Variants in CDH7 observed in about 807,000 individuals in gnomAD.
The protein encoded by CDH7 is cadherin-7.
CDH7 carries 25 observed loss-of-function variants against 71.8 expected under a neutral mutation model. That is an observed-to-expected ratio of 0.35 (90% confidence interval 0.25 to 0.49). The LOEUF is 0.49. CDH7 is among the 20% of genes least tolerant of loss of function. The pLI is 0.99. For synonymous variants in CDH7, 381 were observed against 363.8 expected, an observed-to-expected ratio of 1.05 and a Z score of -0.54; for missense variants, 862 against 974.6, an observed-to-expected ratio of 0.88 and a Z score of 1.54.
chr18:65,785,254 T>C (rs1256628861), intron 2 of CDH7, among the ~76,000 whole-genome samples: 1 of 151,896 alleles, frequency 6.6e-6, no homozygotes, highest in Non-Finnish European at 1.5e-5. Flanking sequence ...TATATATTAT[T>C]AGGCGATTCT....
intron 6 of CDH7, among the ~76,000 whole-genome samples, chr18:65,825,253 T>C (rs918645034): frequency 9.9e-5 from 15 of 152,014 alleles, no homozygotes; most frequent in African/African-American, 3.6e-4. Context: ...GAAACCAAAA[T>C]GTTGAAAACT....
chr18:65,776,881 G>A (rs1251011317), intron 2 of CDH7, among the ~76,000 whole-genome samples: 1 of 152,216 alleles, frequency 6.6e-6, no homozygotes, highest in East Asian at 1.9e-4. Context: ...CAGTTTGCAG[G>A]GAAAAGGTGC....
At chr18:65,785,324 C>A (rs1283667245) in intron 2 of CDH7, among the ~76,000 whole-genome samples, 1 of 151,804 alleles carries the variant, frequency 6.6e-6, no homozygotes, top group Non-Finnish European at 1.5e-5. Context: ...AAAATGGTAT[C>A]ATTTTATTAG....
intron 2 of CDH7, among the ~76,000 whole-genome samples, chr18:65,794,298 T>C (rs1426968001): frequency 6.6e-6 from 1 of 152,154 alleles, no homozygotes; most frequent in African/African-American, 2.4e-5. Context: ...CTATCGATGA[T>C]TTTGTTCCAG....
intron 6 of CDH7, among the ~76,000 whole-genome samples, chr18:65,837,636 C>T (rs73524532): frequency 0.08 from 12,090 of 151,970 alleles, 581 homozygotes; most frequent in African/African-American, 0.13. Context: ...TTTACAATGA[C>T]GAATTTTCTA....
chr18:65,755,985 A>G (rs1360597028), intron 1 of CDH7, among the ~76,000 whole-genome samples: 1 of 151,928 alleles, frequency 6.6e-6, no homozygotes, highest in Non-Finnish European at 1.5e-5. Context: ...ACAAAAAAAC[A>G]AAAACAAAAA....
chr18:65,881,076 C>T lies in CDH7; in HGVS notation c.*182C>T. The T allele has an allele frequency of 1.7e-6, 1 of 603,416 alleles. No homozygotes were observed. The highest frequency in any genetic ancestry group is 1.8e-5 in the African/African-American group (1 of 54,100). The allele number at this position is 603,416 out of a possible 1,614,324, so 37.4% of individuals were successfully genotyped here. A position where few individuals can be genotyped will look rare whatever the true frequency, so the allele number is the denominator to read the frequency against. On this transcript the variant is annotated 3_prime_UTR_variant, in exon 12 of 12. Transcript: ENST00000397968. ...TTTCTGCCTTGGTGAGGCATATCTT[C>T]ATTAGACTTATCTAAAGGACTGCAC...
At chr18:65,769,855 C>G (rs1568175583) in intron 2 of CDH7, among the ~76,000 whole-genome samples, 1 of 152,100 alleles carries the variant, frequency 6.6e-6, no homozygotes. Flanking sequence ...TGTATCACGT[C>G]AGAAGATAGA....
At chr18:65,826,632 A>G (rs567311852) in intron 6 of CDH7, among the ~76,000 whole-genome samples, 1 of 151,678 alleles carries the variant, frequency 6.6e-6, no homozygotes, top group East Asian at 1.9e-4. Flanking sequence ...TGTTAATAGT[A>G]TCATTTCTAA....
At chr18:65,867,551 T>A in intron 11 of CDH7, among the ~76,000 whole-genome samples, 1 of 152,206 alleles carries the variant, frequency 6.6e-6, no homozygotes, top group Non-Finnish European at 1.5e-5. Context: ...GAATTTCAAC[T>A]GTTTTGTTTA....
At chr18:65,860,512 C>T (rs527309277) in intron 10 of CDH7, among the ~76,000 whole-genome samples, 16 of 152,156 alleles carry the variant, frequency 1.1e-4, no homozygotes, top group African/African-American at 3.4e-4. Context: ...GAACTTAAAG[C>T]ACGAGAACCT....
chr18:65,772,442 T>A (rs1367955943), intron 2 of CDH7, among the ~76,000 whole-genome samples: 1 of 152,168 alleles, frequency 6.6e-6, no homozygotes, highest in Admixed American at 6.6e-5. Context: ...TCGTAAGAGC[T>A]GAATTTAGGT....
At chr18:65,823,763 C>A (rs1385471895) in intron 5 of CDH7, among the ~76,000 whole-genome samples, 1 of 151,812 alleles carries the variant, frequency 6.6e-6, no homozygotes, top group Non-Finnish European at 1.5e-5. Flanking sequence ...CAGAGAGAAT[C>A]CTTTCTTATC....
intron 4 of CDH7, among the ~76,000 whole-genome samples, chr18:65,818,683 A>C (rs968242795): frequency 9.2e-5 from 14 of 152,342 alleles, no homozygotes; most frequent in African/African-American, 3.4e-4. Context: ...TATTCAGTTC[A>C]TTACCAGTTA....
At position 65,835,463 on chromosome 18, in the gene CDH7, A is replaced by C. The variant is rs556246780; in HGVS notation, c.982-8349A>C. Among the ~76,000 whole-genome samples the C allele has an allele frequency of 4.6e-5, 7 of 152,286 alleles. No individual in the cohort carries two copies. In the East Asian group the frequency reaches 9.7e-4, roughly 21 times the overall value. ...CTTCCCTCATCATCCTTTCTCCTCTATTAGCCTATCTCATAAAATCATTTT... is the reference window on the plus strand; with the variant it reads ...CTTCCCTCATCATCCTTTCTCCTCTCTTAGCCTATCTCATAAAATCATTTT... On this transcript the variant is annotated intron_variant, in intron 6 of 11. Coordinates refer to ENST00000397968, the MANE Select transcript of CDH7 (RefSeq NM_004361.5).
intron 2 of CDH7, among the ~76,000 whole-genome samples, chr18:65,777,071 A>G (rs949945657): frequency 2.6e-5 from 4 of 152,158 alleles, no homozygotes; most frequent in Non-Finnish European, 5.9e-5. Flanking sequence ...GCCGTTGCTA[A>G]CAAATCAGTT....
At chr18:65,832,500 G>T (rs982650540) in intron 6 of CDH7, among the ~76,000 whole-genome samples, 10 of 151,844 alleles carry the variant, frequency 6.6e-5, no homozygotes, top group African/African-American at 2.4e-4. Flanking sequence ...GTAAATAATG[G>T]CATAGAGTTT....
chr18:65,809,109 G>C (rs1037859127), intron 2 of CDH7, among the ~76,000 whole-genome samples: 1 of 152,158 alleles, frequency 6.6e-6, no homozygotes, highest in Non-Finnish European at 1.5e-5. Context: ...CTACTTGAGA[G>C]AGCAGTGTCA....
At chr18:65,855,809 A>C (rs1386269978) in intron 7 of CDH7, among the ~76,000 whole-genome samples, 1 of 152,188 alleles carries the variant, frequency 6.6e-6, no homozygotes, top group Non-Finnish European at 1.5e-5. Context: ...ACTTTGATCA[A>C]GACTTTCATG....
Sources: allele counts gnomAD v4.1 joint callset (sites outside exome capture counted in the v4.1 genomes callset), GRCh38; gene constraint gnomAD v4.1.1; transcripts MANE v1.5; gene names NCBI Gene and HGNC (gene_info 2026-07-23, HGNC 2026-07-21).